The following PRR5L variants were observed in gnomAD, a reference collection of about 807,000 sequenced individuals.
PRR5L encodes proline rich 5 like.
Under a neutral mutation model 36.4 loss-of-function variants are expected in PRR5L, and 21 were observed. That is an observed-to-expected ratio of 0.58 (90% CI 0.41 to 0.83). The LOEUF is 0.83. PRR5L is among the 40% of genes least tolerant of loss of function. PRR5L has a pLI of 0.00. For synonymous variants in PRR5L, 188 were observed against 197.0 expected (o/e 0.95, Z 0.38); for missense variants, 381 against 473.3 (o/e 0.80, Z 1.81).
intron 1 of PRR5L, among the ~76,000 whole-genome samples, chr11:36,354,989 C>T (rs1857010946): frequency 6.6e-6 from 1 of 152,182 alleles, no homozygotes; most frequent in Non-Finnish European, 1.5e-5. Context: ...GGAGAAAATG[C>T]TGCTTGGAGA....
At position 36,305,342 on chromosome 11, in the gene PRR5L, A is replaced by C. The variant is rs142547300; in HGVS notation, c.-126+8904A>C. 1.1e-3 allele frequency among the ~76,000 whole-genome samples: 167 copies of C among 152,310 alleles called. 1 individual carries two copies. Among genetic ancestry groups the C allele is most frequent in the African/African-American group, 3.8e-3 (160 of 41,564 alleles). On this transcript the variant is annotated intron_variant, in intron 1 of 8. Coordinates refer to ENST00000530639, the MANE Select transcript of PRR5L (RefSeq NM_001160167.2). ...GAATTGCCAAATGTATAATGACAGAAAGTAGATAAGTGGTTTTTAGGGGCT... is the reference window on the plus strand; with the variant it reads ...GAATTGCCAAATGTATAATGACAGACAGTAGATAAGTGGTTTTTAGGGGCT...
chr11:36,345,949 T>G (rs1461926730), intron 1 of PRR5L, among the ~76,000 whole-genome samples: 1 of 152,240 alleles, frequency 6.6e-6, no homozygotes, highest in African/African-American at 2.4e-5. Flanking sequence ...AACTGCTGCT[T>G]GAAGAGGCTT....
intron 1 of PRR5L, chr11:36,379,508 A>G (rs865911188): frequency 6.6e-6 from 1 of 152,238 alleles, no homozygotes; most frequent in African/African-American, 2.4e-5. Context: ...TAAAATGTAA[A>G]TACATGTTAA....
chr11:36,426,520 T>C lies in PRR5L; in HGVS notation c.295-5333T>C, dbSNP rs145008836. Among the ~76,000 whole-genome samples, 552 of 152,362 alleles carry C rather than the reference T, an allele frequency of 3.6e-3. 3 individuals are homozygous for C. The highest frequency in any genetic ancestry group is 0.013 in the African/African-American group (532 of 41,586). The stretch of plus-strand genomic sequence containing the variant: ...GCAGTCAACAAGGTATAAGTATTTG[T>C]ATCAGTATTTTTATTACTATTGCTA... On this transcript the variant is annotated intron_variant, in intron 4 of 8. Coordinates refer to ENST00000530639, the MANE Select transcript of PRR5L (RefSeq NM_001160167.2).
chr11:36,444,381 C>G (rs1858785092), intron 6 of PRR5L, among the ~76,000 whole-genome samples: 1 of 152,168 alleles, frequency 6.6e-6, no homozygotes, highest in Non-Finnish European at 1.5e-5. Context: ...CCTCAAGGAG[C>G]AGTTACCAGT....
intron 1 of PRR5L, among the ~76,000 whole-genome samples, chr11:36,387,650 A>G (rs1264989682): frequency 6.6e-6 from 1 of 152,194 alleles, no homozygotes; most frequent in Non-Finnish European, 1.5e-5. Context: ...CATCGTGGCC[A>G]TCAGCTGGGC....
intron 6 of PRR5L, among the ~76,000 whole-genome samples, chr11:36,442,996 C>A (rs899907144): frequency 1.3e-5 from 2 of 152,178 alleles, no homozygotes; most frequent in African/African-American, 4.8e-5. Flanking sequence ...TTCATAGCAA[C>A]ATTCTACTCC....
intron 1 of PRR5L, among the ~76,000 whole-genome samples, chr11:36,336,736 A>G (rs1168393487): frequency 2.0e-5 from 3 of 152,082 alleles, no homozygotes. Flanking sequence ...TAGCTATTAC[A>G]ATTAAAAATG....
chr11:36,324,481 A>C (rs920307467), intron 1 of PRR5L, among the ~76,000 whole-genome samples: 1 of 152,228 alleles, frequency 6.6e-6, no homozygotes, highest in Non-Finnish European at 1.5e-5. Context: ...GGGTGTGTAC[A>C]TATGTAGAAA....
chr11:36,462,824 C>A lies in PRR5L; in HGVS notation c.*88C>A. ...CGTGGATTACTGAGGGGGGCTCTTG[C>A]TTTATGCGATGCTGCCTTATTTCCT... On this transcript the variant is annotated 3_prime_UTR_variant, in exon 9 of 9. Coordinates refer to ENST00000530639, the MANE Select transcript of PRR5L (RefSeq NM_001160167.2). 8.0e-7 allele frequency: 1 copy of A among 1,251,598 alleles called. No homozygotes were observed. 77.5% of individuals were successfully genotyped at this position (1,251,598 alleles called of 1,614,324 possible).
chr11:36,412,557 C>T (rs746989761), intron 3 of PRR5L, among the ~76,000 whole-genome samples: 1 of 152,146 alleles, frequency 6.6e-6, no homozygotes, highest in South Asian at 2.1e-4. Flanking sequence ...TATTAGGAAT[C>T]GGGATTTTCA....
chr11:36,351,511 T>A (rs796486707), intron 1 of PRR5L, among the ~76,000 whole-genome samples: 140 of 12,380 alleles, frequency 0.011, 53 homozygotes, highest in African/African-American at 0.037. Context: ...TTTTATATAT[T>A]TATATATATT....
intron 1 of PRR5L, among the ~76,000 whole-genome samples, chr11:36,309,113 T>C (rs1437118992): frequency 2.0e-5 from 3 of 152,208 alleles, no homozygotes; most frequent in Non-Finnish European, 4.4e-5. Context: ...AGAATATGTC[T>C]CATCGAAGCA....
chr11:36,351,513 ATATATATT>A lies in PRR5L; in HGVS notation c.-125-49469_-125-49462del, dbSNP rs1210546635. ...TATTTATATATATTTTTATATATTT[ATATATATT>A]TATATATTTATATAAATATATATTT... On this transcript the variant is annotated intron_variant, in intron 1 of 8. Transcript: ENST00000530639. Among the ~76,000 whole-genome samples, 4 of 9,658 alleles carry A rather than the reference ATATATATT, an allele frequency of 4.1e-4. 1 individual carries two copies. Among genetic ancestry groups the A allele is most frequent in the Non-Finnish European group, 1.5e-4 (1 of 6,482 alleles). The allele number at this position is 9,658 out of a possible 152,430, so 6.3% of individuals were successfully genotyped here.
At chr11:36,409,346 A>G (rs748671723) in intron 3 of PRR5L, among the ~76,000 whole-genome samples, 13 of 152,140 alleles carry the variant, frequency 8.5e-5, no homozygotes, top group Non-Finnish European at 1.6e-4. Flanking sequence ...CAGGAAACGC[A>G]CATTTTCCTT....
At chr11:36,364,563 C>G (rs140391668) in intron 1 of PRR5L, among the ~76,000 whole-genome samples, 315 of 152,278 alleles carry the variant, frequency 2.1e-3, no homozygotes, top group African/African-American at 7.5e-3. Flanking sequence ...AGAATAGTGC[C>G]TGGTGCTTAG....
intron 1 of PRR5L, among the ~76,000 whole-genome samples, chr11:36,373,804 T>A (rs1857221632): frequency 6.6e-6 from 1 of 152,024 alleles, no homozygotes; most frequent in Admixed American, 6.5e-5. Context: ...GCCTCATGAT[T>A]AACCTTTTTT....
intron 6 of PRR5L, among the ~76,000 whole-genome samples, chr11:36,438,058 A>T (rs1044846164): frequency 5.3e-5 from 8 of 152,194 alleles, no homozygotes; most frequent in African/African-American, 1.9e-4. Context: ...CTCCTACAAA[A>T]TAAGGAATTT....
intron 1 of PRR5L, among the ~76,000 whole-genome samples, chr11:36,390,758 T>C (rs1308068340): frequency 6.6e-6 from 1 of 152,228 alleles, no homozygotes; most frequent in Non-Finnish European, 1.5e-5. Context: ...TCTATTCCAT[T>C]TCACTAAAAG....
Sources: gnomAD v4.1 joint callset for allele counts (sites outside exome capture counted in the v4.1 genomes callset) on GRCh38, gnomAD v4.1.1 for gene constraint, MANE v1.5 for transcripts, NCBI Gene and HGNC (gene_info 2026-07-23, HGNC 2026-07-21) for gene names.